The following MDFIC variants were observed in gnomAD, a reference collection of about 807,000 sequenced individuals.
MDFIC encodes myoD family inhibitor domain-containing protein.
MDFIC carries 17 observed loss-of-function variants against 23.2 expected under a neutral mutation model. The observed-to-expected ratio is 0.73, with a 90% confidence interval of 0.50 to 1.10. The LOEUF is 1.10. MDFIC is among the 50% of genes least tolerant of loss of function. The pLI is 0.00. For synonymous variants in MDFIC, 120 were observed against 115.2 expected (o/e 1.04, Z -0.27); for missense variants, 356 against 316.6 (o/e 1.12, Z -0.95).
chr7:114,967,300 A>T (rs1384838380), intron 3 of MDFIC, among the ~76,000 whole-genome samples: 1 of 152,180 alleles, frequency 6.6e-6, no homozygotes. Context: ...ATGTGAGAGG[A>T]CATCTCCTGG....
intron 3 of MDFIC, 122 bp from the exon 4 acceptor site, chr7:114,979,384 C>A: frequency 2.1e-6 from 2 of 935,608 alleles, no homozygotes; most frequent in Non-Finnish European, 1.5e-6. Flanking sequence ...TTCTTTGTTG[C>A]CTCTTCAGTG....
Position 114,922,613 on chromosome 7 carries a change from G to C in MDFIC, c.-131G>C, listed in dbSNP as rs778348744. ...AGGAGGAGGAGGAGGAAGGGGCTTG[G>C]AGCGACTACGGGGGGATGCGGAGGT... is the stretch of plus-strand genomic sequence containing the variant. On this transcript the variant is annotated 5_prime_UTR_variant, in exon 1 of 5. Transcript: ENST00000393486. 4 of 1,282,204 alleles carry C rather than the reference G, an allele frequency of 3.1e-6. No homozygotes were observed. The highest frequency in any genetic ancestry group is 8.3e-5 in the Admixed American group (2 of 24,120). The allele number at this position is 1,282,204 out of a possible 1,614,324, so 79.4% of individuals were successfully genotyped here.
intron 2 of MDFIC, chr7:114,923,747 A>G (rs1792138121): frequency 9.7e-7 from 1 of 1,027,832 alleles, no homozygotes; most frequent in Non-Finnish European, 1.3e-6. Context: ...GGAAACTTCC[A>G]TAACAAGCTT....
At chr7:115,003,057 A>G (rs28624125) in intron 4 of MDFIC, among the ~76,000 whole-genome samples, 34 of 152,124 alleles carry the variant, frequency 2.2e-4, no homozygotes, top group African/African-American at 8.2e-4. Flanking sequence ...CACATCGCCA[A>G]AATTTCTCTG....
intron 2 of MDFIC, among the ~76,000 whole-genome samples, chr7:114,935,677 C>A (rs1484826681): frequency 6.6e-6 from 1 of 151,866 alleles, no homozygotes; most frequent in East Asian, 1.9e-4. Flanking sequence ...CCGGGGAAAT[C>A]AGAATATATA....
At chr7:114,935,930 G>A (rs890610243) in intron 2 of MDFIC, among the ~76,000 whole-genome samples, 10 of 152,016 alleles carry the variant, frequency 6.6e-5, no homozygotes, top group East Asian at 1.9e-4. Flanking sequence ...TATTTATAGC[G>A]TGTTTTAAAA....
At chr7:114,996,427 G>A (rs2594446) in intron 4 of MDFIC, among the ~76,000 whole-genome samples, 1 of 152,194 alleles carries the variant, frequency 6.6e-6, no homozygotes, top group Non-Finnish European at 1.5e-5. Context: ...GCCATTAACT[G>A]AGATGAGAAG....
At chr7:114,962,571 A>G (rs538439649) in intron 3 of MDFIC, among the ~76,000 whole-genome samples, 2 of 152,328 alleles carry the variant, frequency 1.3e-5, no homozygotes, top group African/African-American at 4.8e-5. Context: ...TGAAGTGCAT[A>G]AGGCAGGAGA....
At chr7:115,006,076 G>GTCT (rs1374387264) in intron 4 of MDFIC, among the ~76,000 whole-genome samples, 2 of 152,136 alleles carry the variant, frequency 1.3e-5, no homozygotes, top group African/African-American at 4.8e-5. Flanking sequence ...TGCATCCTGG[G>GTCT]TCTTCTCAGG....
intron 4 of MDFIC, among the ~76,000 whole-genome samples, chr7:114,986,725 T>G (rs1217855577): frequency 6.6e-6 from 1 of 152,236 alleles, no homozygotes; most frequent in Non-Finnish European, 1.5e-5. Flanking sequence ...TTTTCAGAAC[T>G]CATCTTAGTC....
intron 3 of MDFIC, among the ~76,000 whole-genome samples, chr7:114,976,787 A>G (rs1185228420): frequency 6.6e-6 from 1 of 152,172 alleles, no homozygotes; most frequent in Non-Finnish European, 1.5e-5. Flanking sequence ...TCTTCACAAT[A>G]CATAGGATGT....
chr7:114,981,239 G>C (rs1793412188), intron 4 of MDFIC, among the ~76,000 whole-genome samples: 1 of 152,094 alleles, frequency 6.6e-6, no homozygotes, highest in Admixed American at 6.6e-5. Flanking sequence ...TTTTCCATTT[G>C]ATATTTACTT....
intron 4 of MDFIC, among the ~76,000 whole-genome samples, chr7:114,998,741 A>G (rs1791397022): frequency 6.6e-6 from 1 of 152,006 alleles, no homozygotes; most frequent in African/African-American, 2.4e-5. Flanking sequence ...CCATCTCTGT[A>G]TATACTTAAA....
At chr7:114,992,962 C>T (rs1039499249) in intron 4 of MDFIC, among the ~76,000 whole-genome samples, 2 of 152,150 alleles carry the variant, frequency 1.3e-5, no homozygotes, top group Admixed American at 1.3e-4. Context: ...GAGGGTAGAG[C>T]TGTGAATCCG....
At chr7:114,925,734 T>C (rs1269062620) in intron 2 of MDFIC, among the ~76,000 whole-genome samples, 2 of 152,192 alleles carry the variant, frequency 1.3e-5, no homozygotes, top group African/African-American at 4.8e-5. Flanking sequence ...TCTTCAGATA[T>C]TTCAAGTGAT....
chr7:114,969,539 A>T (rs1374587054), intron 3 of MDFIC, among the ~76,000 whole-genome samples: 1 of 152,230 alleles, frequency 6.6e-6, no homozygotes, highest in East Asian at 1.9e-4. Context: ...AACTCTGTGT[A>T]TAAAATGTAT....
intron 3 of MDFIC, among the ~76,000 whole-genome samples, chr7:114,959,243 A>C (rs1792941999): frequency 6.6e-6 from 1 of 152,198 alleles, no homozygotes; most frequent in South Asian, 2.1e-4. Context: ...CCTGGTCAGT[A>C]ATAATGACAG....
At chr7:114,989,117 C>A (rs918319178) in intron 4 of MDFIC, among the ~76,000 whole-genome samples, 2 of 151,882 alleles carry the variant, frequency 1.3e-5, no homozygotes, top group Non-Finnish European at 2.9e-5. Context: ...GAAAAGAGGA[C>A]GATTATCTGG....
In MDFIC at chr7:115,008,298, GT is replaced by G. The variant is rs113643904; in HGVS notation, c.494-7377del. ...TTGTGGGGTGTGGGAGGGCAGTGCT[GT>G]TTTTTTTTTTTTCCTAGGTTCTTTT... On this transcript the variant is annotated intron_variant, in intron 4 of 4. Transcript: ENST00000393486. Among the ~76,000 whole-genome samples the G allele has an allele frequency of 5.5e-3, 781 of 142,762 alleles. 4 individuals carry two copies. Among genetic ancestry groups the G allele is most frequent in the African/African-American group, 0.016 (614 of 39,252 alleles). 93.7% of individuals were successfully genotyped at this position (142,762 alleles called of 152,430 possible). A position where few individuals can be genotyped will look rare whatever the true frequency, so the allele number is the denominator to read the frequency against.
Sources: gnomAD v4.1 joint callset for allele counts (sites outside exome capture counted in the v4.1 genomes callset) on GRCh38, gnomAD v4.1.1 for gene constraint, MANE v1.5 for transcripts, NCBI Gene and HGNC (gene_info 2026-07-23, HGNC 2026-07-21) for gene names.